PCDHGA5: variants seen among roughly 807,000 people sequenced by gnomAD.
The protein encoded by PCDHGA5 is protocadherin gamma subfamily A, 5, also known as protocadherin gamma-A5.
Under a neutral mutation model 56.7 loss-of-function variants are expected in PCDHGA5, and 36 were observed. That is an observed-to-expected ratio of 0.64 (90% CI 0.49 to 0.84). The LOEUF is 0.84. Among genes scored for constraint, PCDHGA5 ranks in the 40% least tolerant of loss-of-function variants. The pLI, the probability that PCDHGA5 is intolerant of heterozygous loss-of-function variation, is 0.00. For synonymous variants in PCDHGA5, 563 were observed against 520.2 expected (o/e 1.08, Z -1.12); for missense variants, 1,305 against 1,201.5 (o/e 1.09, Z -1.27).
rs763676784 is a variant in PCDHGA5 at position 141,374,276 on chromosome 5, C to A, written c.2421+7525C>A. The A allele has an allele frequency of 4.3e-6, 7 of 1,613,974 alleles. No individual in the cohort carries two copies. In the Admixed American group the frequency reaches 8.3e-5, roughly 19 times the overall value. On this transcript the variant is annotated intron_variant, in intron 1 of 3. Transcript: ENST00000518069. ...CCAGGAGTTGGCGGAGCACGGAGTC[C>A]GCATCGTCTCCAGAGGTAGGATGCA...
intron 1 of PCDHGA5, among the ~76,000 whole-genome samples, chr5:141,386,342 A>C (rs1000567568): frequency 2.0e-5 from 3 of 152,226 alleles, no homozygotes; most frequent in Non-Finnish European, 2.9e-5. Context: ...GGGGTGGATG[A>C]CAAGGTAATC....
intron 1 of PCDHGA5, among the ~76,000 whole-genome samples, chr5:141,433,399 CTA>C (rs1491097109): frequency 1.1e-4 from 17 of 150,894 alleles, no homozygotes; most frequent in African/African-American, 4.1e-4. Context: ...ATCTATCTAT[CTA>C]TCTATTACTT....
intron 1 of PCDHGA5, chr5:141,420,220 A>G (rs2096478738): frequency 6.2e-7 from 1 of 1,608,142 alleles, no homozygotes; most frequent in African/African-American, 1.3e-5. Flanking sequence ...ATAGCATGCT[A>G]CTGGCTAGCA....
At chr5:141,399,129 A>G (rs1280077247) in intron 1 of PCDHGA5, 2 of 1,613,848 alleles carry the variant, frequency 1.2e-6, no homozygotes, top group Non-Finnish European at 8.5e-7. Context: ...TTAATATTCA[A>G]GATGAAAATG....
At chr5:141,467,932 TA>T (rs1391978978) in intron 1 of PCDHGA5, among the ~76,000 whole-genome samples, 4 of 152,186 alleles carry the variant, frequency 2.6e-5, no homozygotes, top group Non-Finnish European at 4.4e-5. Flanking sequence ...ATGCTAGGAT[TA>T]CAAGCATGAG....
intron 2 of PCDHGA5, among the ~76,000 whole-genome samples, chr5:141,497,219 A>G (rs974609491): frequency 6.7e-6 from 1 of 149,602 alleles, no homozygotes; most frequent in South Asian, 2.1e-4. Context: ...TGGGGGGGGG[A>G]AGATCAGAGA....
chr5:141,435,027 AC>A (rs1485237615), intron 1 of PCDHGA5, among the ~76,000 whole-genome samples: 1 of 151,978 alleles, frequency 6.6e-6, no homozygotes, highest in Non-Finnish European at 1.5e-5. Flanking sequence ...CTCTTTTCCC[AC>A]TTTTATTTTT....
intron 1 of PCDHGA5, among the ~76,000 whole-genome samples, chr5:141,494,157 G>A (rs929922206): frequency 5.9e-5 from 9 of 152,312 alleles, no homozygotes; most frequent in African/African-American, 1.7e-4. Context: ...TGTCTGGCAC[G>A]GAGTTCTAGG....
chr5:141,374,826 G>A (rs768485677), intron 1 of PCDHGA5: 141 of 1,613,770 alleles, frequency 8.7e-5, no homozygotes, highest in Non-Finnish European at 1.1e-4. Context: ...CCTGTCTACC[G>A]TGTAAGTGTT....
At chr5:141,392,885 G>C in intron 1 of PCDHGA5, 1 of 1,613,654 alleles carries the variant, frequency 6.2e-7, no homozygotes, top group Non-Finnish European at 8.5e-7. Flanking sequence ...GAACGCTGTG[G>C]GAAATCGGGA....
intron 1 of PCDHGA5, among the ~76,000 whole-genome samples, chr5:141,475,556 T>A (rs1420756007): frequency 6.6e-6 from 1 of 152,248 alleles, no homozygotes; most frequent in Non-Finnish European, 1.5e-5. Context: ...CGGCTAATTG[T>A]CTGTCTTCCA....
intron 1 of PCDHGA5, among the ~76,000 whole-genome samples, chr5:141,445,277 A>G (rs769047096): frequency 6.6e-6 from 1 of 152,256 alleles, no homozygotes; most frequent in African/African-American, 2.4e-5. Flanking sequence ...ACCACTCTGC[A>G]TAAGTTCAGG....
At chr5:141,371,761 CCTA>C (rs1486691481) in intron 1 of PCDHGA5, 4 of 1,614,030 alleles carry the variant, frequency 2.5e-6, no homozygotes, top group Non-Finnish European at 3.4e-6. Context: ...CACCAGGCCT[CCTA>C]CACCGTGCAT....
intron 1 of PCDHGA5, chr5:141,416,001 G>C (rs2095980823): frequency 4.0e-6 from 1 of 253,062 alleles, no homozygotes; most frequent in Non-Finnish European, 7.3e-6. Flanking sequence ...AGGCAGGTCT[G>C]GTAAGAATAG....
chr5:141,366,634 G>T lies in PCDHGA5; in HGVS notation c.2304G>T (p.Leu768=). ...CCGCGGACTCGAGGAAGAGTCACCT[G>T]ATCTTTCCCCAGCCCAACTACGCAG... is the stretch of plus-strand genomic sequence containing the variant. The part of the protein sequence containing the change: ...SLTADSRKSH[L]IFPQPNYADT... Residue 768 remains leucine (L), a synonymous_variant, in exon 1 of 4, where the codon CTG becomes CTT. Transcript: ENST00000518069. 1 of 1,614,220 alleles carries T rather than the reference G, an allele frequency of 6.2e-7. No homozygotes were observed. The highest frequency in any genetic ancestry group is 1.3e-5 in the African/African-American group (1 of 75,070).
chr5:141,378,535 T>A (rs1235721694), intron 1 of PCDHGA5: 1 of 152,092 alleles, frequency 6.6e-6, no homozygotes, highest in Non-Finnish European at 1.5e-5. Flanking sequence ...AAAATAATAA[T>A]GATAATTAAT....
chr5:141,387,727 C>T, intron 1 of PCDHGA5: 3 of 1,216,044 alleles, frequency 2.5e-6, no homozygotes, highest in South Asian at 3.2e-5. Context: ...CTCCCCAGCG[C>T]CAGCCTTTAC....
At chr5:141,457,063 G>A (rs1477613746) in intron 1 of PCDHGA5, among the ~76,000 whole-genome samples, 1 of 152,104 alleles carries the variant, frequency 6.6e-6, no homozygotes, top group East Asian at 1.9e-4. Context: ...CTTCCTTTTT[G>A]CCAGTAACTA....
chr5:141,390,144 G>A, intron 1 of PCDHGA5: 1 of 1,614,036 alleles, frequency 6.2e-7, no homozygotes, highest in South Asian at 1.1e-5. Context: ...CAATCTATGT[G>A]TTGCACATAC....
Sources: gnomAD v4.1 joint callset for allele counts (sites outside exome capture counted in the v4.1 genomes callset) on GRCh38, gnomAD v4.1.1 for gene constraint, MANE v1.5 for transcripts, NCBI Gene and HGNC (gene_info 2026-07-23, HGNC 2026-07-21) for gene names.